The following NEK1 variants were observed in gnomAD, a reference collection of about 807,000 sequenced individuals.
NEK1 encodes NIMA related kinase 1, also known as serine/threonine-protein kinase Nek1.
In NEK1, 137 loss-of-function variants were observed where a neutral mutation model predicts 182.1. The ratio of observed to expected loss-of-function variants is 0.75; its 90% CI spans 0.65 to 0.87. The LOEUF is 0.87. Ranked by LOEUF, NEK1 falls within the 40% of genes least tolerant of loss-of-function variation. NEK1 has a pLI of 0.00. For missense variants in NEK1, 1,391 were observed against 1,494.4 expected (o/e 0.93, Z 1.14); for synonymous variants, 513 against 492.2 (o/e 1.04, Z -0.56).
intron 29 of NEK1, among the ~76,000 whole-genome samples, chr4:169,431,668 T>C (rs10084942): frequency 0.82 from 124,325 of 151,884 alleles, 51,976 homozygotes; most frequent in South Asian, 0.92. Context: ...CAGTCTCATG[T>C]CAGTAATCCC....
chr4:169,528,804 T>G (rs60817655), intron 19 of NEK1, among the ~76,000 whole-genome samples: 1 of 152,062 alleles, frequency 6.6e-6, no homozygotes, highest in Admixed American at 6.6e-5. Flanking sequence ...CACCCAACAA[T>G]AGCAGAAAAC....
intron 19 of NEK1, among the ~76,000 whole-genome samples, chr4:169,511,713 T>G (rs1754222213): frequency 6.6e-6 from 1 of 152,150 alleles, no homozygotes; most frequent in Admixed American, 6.6e-5. Context: ...TCATCTTATG[T>G]TAATTCCACC....
chr4:169,511,493 A>G (rs1301632213), intron 19 of NEK1, among the ~76,000 whole-genome samples: 1 of 152,100 alleles, frequency 6.6e-6, no homozygotes. Flanking sequence ...CTGAAGTTTT[A>G]AAACCTTTTT....
chr4:169,508,304 T>G lies in NEK1; in HGVS notation c.1777A>C (p.Arg593=). 15 of 1,588,804 alleles carry G rather than the reference T, an allele frequency of 9.4e-6. No individual in the cohort carries two copies. The highest frequency in any genetic ancestry group is 1.2e-5 in the Non-Finnish European group (14 of 1,167,672). ...EVYLARLRQI[R]LQNFNERQQI... ...TGGCGCTCATTGAAATTCTGTAGTCTTATTTGCCTCAGTCTTGCCAGATAA... is the reference window on the plus strand; with the variant it reads ...TGGCGCTCATTGAAATTCTGTAGTCGTATTTGCCTCAGTCTTGCCAGATAA... Residue 593 remains arginine, a synonymous_variant, in exon 21 of 36, where the codon AGA becomes CGA. Coordinates refer to ENST00000507142, the MANE Select transcript of NEK1 (RefSeq NM_001199397.3).
chr4:169,459,975 C>T (rs1026071510), intron 27 of NEK1, among the ~76,000 whole-genome samples: 3 of 152,100 alleles, frequency 2.0e-5, no homozygotes, highest in African/African-American at 7.2e-5. Context: ...TTTGTCAAAA[C>T]CCAGGGCAAT....
chr4:169,486,997 T>C (rs1749149731), intron 23 of NEK1, among the ~76,000 whole-genome samples: 1 of 152,210 alleles, frequency 6.6e-6, no homozygotes, highest in Non-Finnish European at 1.5e-5. Flanking sequence ...TAACACTATA[T>C]TACTTGGCCC....
At chr4:169,498,616 T>C (rs937317754) in intron 23 of NEK1, among the ~76,000 whole-genome samples, 11 of 152,222 alleles carry the variant, frequency 7.2e-5, no homozygotes, top group Non-Finnish European at 1.3e-4. Flanking sequence ...ACAAAATCTC[T>C]CAGCATTTGC....
chr4:169,565,057 C>T lies in NEK1; in HGVS notation c.1021-2861G>A, dbSNP rs111906444. Among the ~76,000 whole-genome samples the T allele has an allele frequency of 3.2e-3, 490 of 152,278 alleles. 9 individuals carry two copies. The highest frequency in any genetic ancestry group is 0.022 in the Admixed American group (343 of 15,292). ...TCACTGTATTATTAGTTCCTAACTC[C>T]TAACCTCTAATTTTGGCTAGTTATT... On this transcript the variant is annotated intron_variant, in intron 12 of 35. Transcript: ENST00000507142.
intron 9 of NEK1, 54 bp from the exon 10 acceptor site, chr4:169,585,603 G>C (rs1194741127): frequency 8.8e-7 from 1 of 1,131,300 alleles, no homozygotes; most frequent in Admixed American, 2.1e-5. Context: ...TTGAAACTGA[G>C]AATATCGGTA....
At chr4:169,410,415 AC>A (rs1733471227) in intron 31 of NEK1, among the ~76,000 whole-genome samples, 1 of 152,216 alleles carries the variant, frequency 6.6e-6, no homozygotes, top group Non-Finnish European at 1.5e-5. Flanking sequence ...AAAAAATTCT[AC>A]TCATAGTAAT....
At chr4:169,492,910 A>G (rs1390488114) in intron 23 of NEK1, among the ~76,000 whole-genome samples, 1 of 152,180 alleles carries the variant, frequency 6.6e-6, no homozygotes, top group Admixed American at 6.5e-5. Context: ...GGCAGCGCCA[A>G]TGCCTCGGAA....
chr4:169,503,914 G>A (rs1245750306), intron 23 of NEK1, among the ~76,000 whole-genome samples: 3 of 152,054 alleles, frequency 2.0e-5, no homozygotes. Flanking sequence ...CACAGCAAAG[G>A]AAACTATCAA....
chr4:169,416,097 T>A (rs954171486), intron 31 of NEK1, among the ~76,000 whole-genome samples: 5 of 152,196 alleles, frequency 3.3e-5, no homozygotes, highest in African/African-American at 1.2e-4. Context: ...ACTAAGGACA[T>A]CTGCTTAAGG....
chr4:169,438,276 T>A lies in NEK1; in HGVS notation c.2588-17A>T. On this transcript the variant is annotated splice_polypyrimidine_tract_variant and intron_variant, in intron 27 of 35. Coordinates refer to ENST00000507142, the MANE Select transcript of NEK1 (RefSeq NM_001199397.3). ...GAGAAATCTCTGTGAAAACAAAAAA[T>A]AAAAAATCATGCTAGTTCTCAAAAT... 6.6e-7 allele frequency: 1 copy of A among 1,513,964 alleles called. No homozygotes were observed. The highest frequency in any genetic ancestry group is 1.3e-5 in the South Asian group (1 of 78,196). 93.8% of individuals were successfully genotyped at this position (1,513,964 alleles called of 1,614,324 possible).
intron 31 of NEK1, 50 bp from the exon 32 acceptor site, chr4:169,406,797 A>G (rs774586199): frequency 2.7e-6 from 4 of 1,465,528 alleles, no homozygotes; most frequent in Non-Finnish European, 3.7e-6. Flanking sequence ...TAATTAAAAC[A>G]TAAAAATGAG....
intron 19 of NEK1, among the ~76,000 whole-genome samples, chr4:169,534,345 G>T (rs1159510777): frequency 6.6e-6 from 1 of 152,192 alleles, no homozygotes; most frequent in South Asian, 2.1e-4. Context: ...TTTCCTGGCT[G>T]CAGCACAGAG....
At chr4:169,506,992 A>G in intron 23 of NEK1, 45 bp downstream of exon 23, 3 of 1,365,444 alleles carry the variant, frequency 2.2e-6, no homozygotes, top group Non-Finnish European at 3.1e-6. Flanking sequence ...AAGAGCTATA[A>G]AAATGTTAAT....
chr4:169,574,718 A>G (rs1229238513), intron 12 of NEK1, among the ~76,000 whole-genome samples: 1 of 152,114 alleles, frequency 6.6e-6, no homozygotes, highest in Non-Finnish European at 1.5e-5. Flanking sequence ...GATGAGGAGA[A>G]TGGCAGGATC....
intron 23 of NEK1, among the ~76,000 whole-genome samples, chr4:169,485,864 A>T (rs1425071670): frequency 6.6e-6 from 1 of 152,060 alleles, no homozygotes; most frequent in Non-Finnish European, 1.5e-5. Flanking sequence ...TCACCAGACC[A>T]GTGAGACTCC....
Sources: allele counts gnomAD v4.1 joint callset (sites outside exome capture counted in the v4.1 genomes callset), GRCh38; gene constraint gnomAD v4.1.1; transcripts MANE v1.5; gene names NCBI Gene and HGNC (gene_info 2026-07-23, HGNC 2026-07-21).